ADGRL4: variants seen among roughly 807,000 people sequenced by gnomAD.
The protein encoded by ADGRL4 is EGF, latrophilin and seven transmembrane domain containing 1.
In ADGRL4, 90 loss-of-function variants were observed where a neutral mutation model predicts 74.8. The observed-to-expected ratio is 1.20, with a 90% CI of 1.02 to 1.43. The LOEUF is 1.43. Among genes scored for constraint, ADGRL4 ranks in the 40% most tolerant of loss-of-function variants. ADGRL4 has a pLI of 0.00. For synonymous variants in ADGRL4, 311 were observed against 279.2 expected, an observed-to-expected ratio of 1.11 and a Z score of -1.14; for missense variants, 881 against 814.3, an observed-to-expected ratio of 1.08 and a Z score of -1.00.
intron 12 of ADGRL4, among the ~76,000 whole-genome samples, chr1:78,900,042 T>A (rs978175391): frequency 2.0e-5 from 3 of 152,014 alleles, no homozygotes; most frequent in Non-Finnish European, 2.9e-5. Context: ...GGAGATTTGG[T>A]GGGAGAGATA....
chr1:78,942,551 C>T (rs1439466606), intron 3 of ADGRL4, among the ~76,000 whole-genome samples: 2 of 152,134 alleles, frequency 1.3e-5, no homozygotes, highest in African/African-American at 2.4e-5. Context: ...ACCCACTTTC[C>T]TCACTACCAA....
At chr1:78,950,960 C>T (rs1649710614) in intron 2 of ADGRL4, among the ~76,000 whole-genome samples, 1 of 152,072 alleles carries the variant, frequency 6.6e-6, no homozygotes, top group Non-Finnish European at 1.5e-5. Flanking sequence ...TTTCAGAAGA[C>T]GTATCAATAG....
chr1:78,945,177 A>AAAAAAAAAAAATAT lies in ADGRL4; in HGVS notation c.325+1096_325+1097insATATTTTTTTTTTT, dbSNP rs376405445. Among the ~76,000 whole-genome samples, 13 of 127,932 alleles carry AAAAAAAAAAAATAT rather than the reference A, an allele frequency of 1.0e-4. No individual in the cohort carries two copies. In the East Asian group the frequency reaches 2.5e-3, roughly 24 times the overall value. 83.9% of individuals were successfully genotyped at this position (127,932 alleles called of 152,430 possible). On this transcript the variant is annotated intron_variant, in intron 3 of 14. Transcript: ENST00000370742. ...GAGACTCTGTCTCAAAAAAAAAAAA[A>AAAAAAAAAAAATAT]ATATATATATATATATATATCTCAA...
intron 12 of ADGRL4, among the ~76,000 whole-genome samples, chr1:78,894,444 G>A (rs561840715): frequency 1.3e-5 from 2 of 151,876 alleles, no homozygotes; most frequent in East Asian, 1.9e-4. Context: ...AGCAATTGTA[G>A]AGGTGAGATA....
chr1:78,957,222 C>T (rs77414083), intron 2 of ADGRL4, among the ~76,000 whole-genome samples: 5,944 of 152,104 alleles, frequency 0.039, 154 homozygotes, highest in Middle Eastern at 0.058. Flanking sequence ...TAAAATTAGG[C>T]CAGTTAATAA....
chr1:78,962,822 G>C (rs1273345585), intron 2 of ADGRL4, among the ~76,000 whole-genome samples: 2 of 151,892 alleles, frequency 1.3e-5, no homozygotes, highest in Non-Finnish European at 2.9e-5. Flanking sequence ...GCACTAATAG[G>C]ATATAGTTAA....
rs774310470 is a variant in ADGRL4 at position 78,937,996 on chromosome 1, GA to G, written c.577-7del. Reference sequence around the variant, plus strand: ...TTCACGGTTTTTACAAATTCCTATTGAAAAAAAGTATGTCTTTTAGAAATGT... The same window carrying G: ...TTCACGGTTTTTACAAATTCCTATTGAAAAAAGTATGTCTTTTAGAAATGT... On this transcript the variant is annotated splice_polypyrimidine_tract_variant and splice_region_variant and intron_variant, in intron 5 of 14. Coordinates refer to ENST00000370742, the MANE Select transcript of ADGRL4 (RefSeq NM_022159.4). 6 of 1,601,858 alleles carry G rather than the reference GA, an allele frequency of 3.7e-6. No homozygotes were observed. The highest frequency in any genetic ancestry group is 1.1e-5 in the South Asian group (1 of 88,572).
At chr1:78,899,227 C>A (rs957203342) in intron 12 of ADGRL4, among the ~76,000 whole-genome samples, 1 of 152,206 alleles carries the variant, frequency 6.6e-6, no homozygotes, top group African/African-American at 2.4e-5. Flanking sequence ...TTTAAGTCAA[C>A]TGGCCTAGGA....
rs148110324 is a variant in ADGRL4 at position 78,930,796 on chromosome 1, T to C, written c.878-3705A>G. On this transcript the variant is annotated intron_variant, in intron 7 of 14. Transcript: ENST00000370742. ...GAAGAATCAGCTTTTAGCGGTTCTG[T>C]ACTGTCTGCTGATGGACATGGAACA... 8.5e-4 allele frequency among the ~76,000 whole-genome samples: 129 copies of C among 151,512 alleles called. 1 individual carries two copies. The highest frequency in any genetic ancestry group is 1.2e-3 in the Non-Finnish European group (82 of 68,002).
At chr1:78,976,886 C>G (rs1364511234) in intron 2 of ADGRL4, among the ~76,000 whole-genome samples, 1 of 151,486 alleles carries the variant, frequency 6.6e-6, no homozygotes, top group Non-Finnish European at 1.5e-5. Context: ...TAAACTCTCC[C>G]AAAATATTGA....
intron 2 of ADGRL4, among the ~76,000 whole-genome samples, chr1:78,977,638 A>T (rs1192443666): frequency 6.6e-6 from 1 of 151,948 alleles, no homozygotes; most frequent in Admixed American, 6.6e-5. Flanking sequence ...AATGAAATAG[A>T]ACAGAGATCC....
chr1:78,938,052 G>C, intron 5 of ADGRL4, 48 bp downstream of exon 5: 2 of 1,603,198 alleles, frequency 1.2e-6, no homozygotes, highest in South Asian at 1.1e-5. Flanking sequence ...CAAATGAAAG[G>C]AAAAATTCAA....
chr1:78,980,407 TA>T lies in ADGRL4; in HGVS notation c.172+24662del, dbSNP rs961463864. Among the ~76,000 whole-genome samples the T allele has an allele frequency of 9.9e-5, 15 of 151,618 alleles. No individual in the cohort carries two copies. The South Asian group carries it at 1.2e-3, about 13-fold the overall frequency. On this transcript the variant is annotated intron_variant, in intron 2 of 14. Coordinates refer to ENST00000370742, the MANE Select transcript of ADGRL4 (RefSeq NM_022159.4). ...ATATAAATATTTAGTAAAAACAAAA[TA>T]AAAAAAACTGTCTCTTACAATATAT...
intron 2 of ADGRL4, among the ~76,000 whole-genome samples, chr1:78,969,218 T>C (rs1650121528): frequency 6.6e-6 from 1 of 152,224 alleles, no homozygotes; most frequent in South Asian, 2.1e-4. Flanking sequence ...CTTATGGCAA[T>C]ATCATCATTT....
At chr1:78,989,241 C>T (rs1650556698) in intron 2 of ADGRL4, among the ~76,000 whole-genome samples, 1 of 151,454 alleles carries the variant, frequency 6.6e-6, no homozygotes, top group Non-Finnish European at 1.5e-5. Context: ...TTGTATTGTA[C>T]TTTATATCAT....
intron 2 of ADGRL4, among the ~76,000 whole-genome samples, chr1:78,956,595 T>G (rs1424927696): frequency 6.6e-6 from 1 of 152,178 alleles, no homozygotes; most frequent in African/African-American, 2.4e-5. Context: ...TCTTCCCCAT[T>G]TTTAAAATCT....
rs773726466 is a variant in ADGRL4, at chr1:78,937,984, C to A, written c.583G>T (p.Val195Leu). The change falls in exon 6 of 15, where the codon GTA becomes TTA. Residue 195 changes from valine (V) to leucine (L), a missense_variant. Transcript: ENST00000370742. ...TLSNSTLTEF[V>L]KTVNNFVQRD... is the part of the protein sequence containing the mutation. ...TGAACAAAATTATTCACGGTTTTTA[C>A]AAATTCCTATTGAAAAAAAGTATGT... 4.4e-6 allele frequency: 7 copies of A among 1,609,050 alleles called. No homozygotes were observed. Among genetic ancestry groups the A allele is most frequent in the Middle Eastern group, 1.7e-4 (1 of 6,046 alleles).
intron 12 of ADGRL4, among the ~76,000 whole-genome samples, chr1:78,897,319 G>C (rs148791852): frequency 7.7e-4 from 117 of 152,222 alleles, no homozygotes; most frequent in Middle Eastern, 3.4e-3. Flanking sequence ...AGTCAGTTTA[G>C]AGAGAATCTC....
intron 2 of ADGRL4, among the ~76,000 whole-genome samples, chr1:78,993,076 A>C (rs2100735925): frequency 6.6e-6 from 1 of 152,286 alleles, no homozygotes; most frequent in East Asian, 1.9e-4. Context: ...AGAAGAAAGT[A>C]ACACTTAAGG....
Sources: allele counts gnomAD v4.1 joint callset (sites outside exome capture counted in the v4.1 genomes callset), GRCh38; gene constraint gnomAD v4.1.1; transcripts MANE v1.5; gene names NCBI Gene and HGNC (gene_info 2026-07-23, HGNC 2026-07-21).